The following ARID1B variants were observed in gnomAD, a reference collection of about 807,000 sequenced individuals.
ARID1B encodes the protein AT-rich interactive domain-containing protein 1B.
Under a neutral mutation model 212.3 loss-of-function variants are expected in ARID1B, and 30 were observed. The ratio of observed to expected loss-of-function variants is 0.14; its 90% CI spans 0.11 to 0.19. The LOEUF is 0.19. Ranked by LOEUF, ARID1B falls within the 10% of genes least tolerant of loss-of-function variation. The probability of loss-of-function intolerance (pLI) is 1.00; values close to 1 mark genes in which losing one functional copy is unlikely to be tolerated. For missense variants in ARID1B, 2,891 were observed against 3,204.0 expected (o/e 0.90, Z 2.36); for synonymous variants, 1,402 against 1,301.7 (o/e 1.08, Z -1.66).
intron 1 of ARID1B, among the ~76,000 whole-genome samples, chr6:156,802,920 A>AT (rs1325085599): frequency 2.6e-5 from 4 of 152,176 alleles, no homozygotes; most frequent in African/African-American, 9.7e-5. Context: ...TCACAGTTTT[A>AT]TTATAACTAC....
rs953366243 is a variant in ARID1B, at chr6:157,148,063, GA to G, written c.2762-556del. Among the ~76,000 whole-genome samples the G allele has an allele frequency of 4.0e-5, 6 of 151,534 alleles. No homozygotes were observed. Among genetic ancestry groups the G allele is most frequent in the Non-Finnish European group, 8.8e-5 (6 of 67,964 alleles). The stretch of plus-strand genomic sequence containing the variant: ...TCAAGCAAAAAAAGAAAGAAAGAAA[GA>G]AAAATATTATTCCCAACTTAGAGGA... On this transcript the variant is annotated intron_variant, in intron 7 of 19. Coordinates refer to ENST00000636930, the MANE Select transcript of ARID1B (RefSeq NM_001374828.1). The surrounding 1 kb of genome is among the most constrained non-coding windows in gnomAD (Gnocchi z 5.6).
At position 156,862,975 on chromosome 6, in the gene ARID1B, C is replaced by T. The variant is rs188423233; in HGVS notation, c.1986+33554C>T. Among the ~76,000 whole-genome samples, 29 of 152,262 alleles carry T rather than the reference C, an allele frequency of 1.9e-4. No individual in the cohort carries two copies. The East Asian group carries it at 5.4e-3, about 28-fold the overall frequency. ...AGGAGGTGGAGGGTGGCGTCAGTGC[C>T]TTGACGGAATATGGGCCTGCGCCTT... On this transcript the variant is annotated intron_variant, in intron 2 of 19. Coordinates refer to ENST00000636930, the MANE Select transcript of ARID1B (RefSeq NM_001374828.1).
chr6:156,901,920 CTTTG>C, intron 3 of ARID1B: 1 of 198,880 alleles, frequency 5.0e-6, no homozygotes, highest in African/African-American at 2.4e-5. Context: ...TTATCTTGAC[CTTTG>C]TTTTGTTTTG....
rs1340390718 is a variant in ARID1B, at chr6:156,779,062, T to G, written c.1382T>G (p.Met461Arg). The change falls in exon 1 of 20, where the codon ATG (methionine) becomes AGG (arginine). Residue 461 changes from methionine to arginine, a missense_variant. Transcript: ENST00000636930. The stretch of plus-strand genomic sequence containing the variant: ...TCCCCCCGGCAGCAGGGCGGCGGCA[T>G]GATGATGGGCCCCGGGGGCGGCGGG... ...LSSPRQQGGG[M>R]MMGPGGGGAA... The G allele has an allele frequency of 3.3e-6, 4 of 1,218,550 alleles. No homozygotes were observed. In the African/African-American group the frequency reaches 6.6e-5, roughly 20 times the overall value. 75.5% of individuals were successfully genotyped at this position (1,218,550 alleles called of 1,614,324 possible). A position where few individuals can be genotyped will look rare whatever the true frequency, so the allele number is the denominator to read the frequency against.
At chr6:156,841,706 T>C (rs1783913195) in intron 2 of ARID1B, among the ~76,000 whole-genome samples, 1 of 152,156 alleles carries the variant, frequency 6.6e-6, no homozygotes, top group South Asian at 2.1e-4. Flanking sequence ...GTCAGGCACT[T>C]ACTTGTTTTG....
chr6:157,184,537 G>A, intron 13 of ARID1B, 102 bp downstream of exon 13: 1 of 1,356,460 alleles, frequency 7.4e-7, no homozygotes, highest in Non-Finnish European at 1.0e-6. Context: ...GGGAACTTGG[G>A]ACTTTTGAGA....
chr6:157,028,861 A>G (rs1583176401), intron 4 of ARID1B, among the ~76,000 whole-genome samples: 1 of 152,206 alleles, frequency 6.6e-6, no homozygotes, highest in Non-Finnish European at 1.5e-5. Flanking sequence ...AGATATTCTT[A>G]CCATCCACTG....
intron 5 of ARID1B, among the ~76,000 whole-genome samples, chr6:157,104,753 T>C (rs181351342): frequency 1.3e-5 from 2 of 152,204 alleles, no homozygotes; most frequent in African/African-American, 4.8e-5. Context: ...AAATGAAAGA[T>C]GTCTCTTGTT....
intron 2 of ARID1B, among the ~76,000 whole-genome samples, chr6:156,862,221 T>C (rs957394431): frequency 2.7e-5 from 4 of 149,840 alleles, no homozygotes; most frequent in African/African-American, 7.3e-5. Flanking sequence ...GGTTCTGTTC[T>C]GGGCTTTCCA....
intron 4 of ARID1B, among the ~76,000 whole-genome samples, chr6:156,983,252 A>G (rs1409200230): frequency 6.6e-6 from 1 of 151,906 alleles, no homozygotes; most frequent in Non-Finnish European, 1.5e-5. Flanking sequence ...AAATTTAGCC[A>G]GGCTTGGTGG....
chr6:156,863,592 A>G (rs1031448453), intron 2 of ARID1B, among the ~76,000 whole-genome samples: 1 of 152,208 alleles, frequency 6.6e-6, no homozygotes, highest in African/African-American at 2.4e-5. Flanking sequence ...TTAAAACAAC[A>G]TATATATCAA....
chr6:157,100,962 C>T (rs1305979928), intron 5 of ARID1B, among the ~76,000 whole-genome samples: 1 of 152,150 alleles, frequency 6.6e-6, no homozygotes, highest in African/African-American at 2.4e-5. Flanking sequence ...ATAAGAAATG[C>T]ATCCTCCAGA....
chr6:156,825,950 C>CTAAATCTAAATTCT (rs1348949947), intron 1 of ARID1B, among the ~76,000 whole-genome samples: 6 of 152,112 alleles, frequency 3.9e-5, no homozygotes, highest in Non-Finnish European at 7.3e-5. Flanking sequence ...ATTCTTAGCC[C>CTAAATCTAAATTCT]TAGATTTTAG....
intron 4 of ARID1B, among the ~76,000 whole-genome samples, chr6:157,032,500 A>C (rs1448262050): frequency 1.3e-5 from 2 of 152,194 alleles, no homozygotes; most frequent in Admixed American, 1.3e-4. Context: ...GGATATTGAT[A>C]TGTAATGGAA....
intron 8 of ARID1B, among the ~76,000 whole-genome samples, chr6:157,152,742 G>A (rs928815328): frequency 2.6e-5 from 4 of 152,286 alleles, no homozygotes; most frequent in East Asian, 3.9e-4. Flanking sequence ...CAGCAAACTC[G>A]TGGTTTTGCT....
chr6:156,935,424 T>G, intron 3 of ARID1B, 42 bp from the exon 4 acceptor site: 222 of 1,487,106 alleles, frequency 1.5e-4, no homozygotes, highest in Non-Finnish European at 1.9e-4. Context: ...TATAACTCAT[T>G]GAGATATTTA....
intron 8 of ARID1B, chr6:157,150,191 T>C (rs2128638589): frequency 6.6e-6 from 1 of 152,322 alleles, no homozygotes; most frequent in East Asian, 1.9e-4. Flanking sequence ...AAGTAGAAAG[T>C]ATTTGATTGC....
chr6:156,797,110 T>G (rs952190414), intron 1 of ARID1B, among the ~76,000 whole-genome samples: 1 of 152,166 alleles, frequency 6.6e-6, no homozygotes, highest in African/African-American at 2.4e-5. Context: ...ATCAAATAGC[T>G]GCTGCCGTCT....
chr6:156,920,764 G>A (rs1047693694), intron 3 of ARID1B, among the ~76,000 whole-genome samples: 3 of 152,172 alleles, frequency 2.0e-5, no homozygotes, highest in African/African-American at 4.8e-5. Flanking sequence ...TAGGGAGACA[G>A]AAGAAGATGG....
Sources: allele counts gnomAD v4.1 joint callset (sites outside exome capture counted in the v4.1 genomes callset), GRCh38; gene constraint gnomAD v4.1.1; non-coding constraint Gnocchi (gnomAD v3.1); transcripts MANE v1.5; gene names NCBI Gene and HGNC (gene_info 2026-07-23, HGNC 2026-07-21).